ELMO1: variants seen among roughly 807,000 people sequenced by gnomAD.
The protein encoded by ELMO1 is engulfment and cell motility protein 1.
ELMO1 carries 26 observed loss-of-function variants against 98.9 expected under a neutral mutation model. The observed-to-expected ratio is 0.26, with a 90% CI of 0.19 to 0.36. The LOEUF (loss-of-function observed/expected upper bound fraction) is 0.36. ELMO1 is among the 10% of genes least tolerant of loss of function. ELMO1 has a pLI of 1.00. For missense variants in ELMO1, 627 were observed against 935.2 expected (o/e 0.67, Z 4.30); for synonymous variants, 346 against 346.0 (o/e 1.00, Z 0.00).
chr7:37,409,506 G>A (rs932068107), intron 1 of ELMO1, among the ~76,000 whole-genome samples: 16 of 152,190 alleles, frequency 1.1e-4, no homozygotes, highest in African/African-American at 3.6e-4. Context: ...CAGTCAGCCA[G>A]GGCAACTCAA....
At chr7:37,202,454 T>C (rs1344845787) in intron 13 of ELMO1, among the ~76,000 whole-genome samples, 1 of 152,226 alleles carries the variant, frequency 6.6e-6, no homozygotes, top group Non-Finnish European at 1.5e-5. Context: ...AAGCCTATGA[T>C]AAAATCACAC....
In ELMO1 at chr7:37,353,863, C is replaced by T. The variant is rs1801386164; in HGVS notation, c.-73-11100G>A. On this transcript the variant is annotated intron_variant, in intron 1 of 21. Transcript: ENST00000310758. ...AGCGAGACACAAAAGTTCTCCAAGTCCCCACCCAACCCAGAAGCCCAGTCG... is the reference window on the plus strand; with the variant it reads ...AGCGAGACACAAAAGTTCTCCAAGTTCCCACCCAACCCAGAAGCCCAGTCG... 2.0e-5 allele frequency among the ~76,000 whole-genome samples: 3 copies of T among 152,302 alleles called. 1 individual carries two copies. Among genetic ancestry groups the T allele is most frequent in the South Asian group, 4.1e-4 (2 of 4,824 alleles).
rs535315358 is a variant in ELMO1, at chr7:36,870,017, T to C, written c.1905+376A>G. 4.6e-5 allele frequency among the ~76,000 whole-genome samples: 7 copies of C among 152,140 alleles called. No homozygotes were observed. The highest frequency in any genetic ancestry group is 1.3e-4 in the Admixed American group (2 of 15,282). ...TTACAGCAGAAGACAATGAAAGATA[T>C]TGGGGTGGAAGTTGGAGAAGGGAGA... On this transcript the variant is annotated intron_variant, in intron 20 of 21. Transcript: ENST00000310758. The surrounding 1 kb of genome is among the most constrained non-coding windows in gnomAD (Gnocchi z 4.4).
rs553239503 is a variant in ELMO1, at chr7:36,892,026, A to G, written c.1601+2828T>C. The stretch of plus-strand genomic sequence containing the variant: ...TAACAAATACCTCCTCTTTGAAACA[A>G]TTAGTCAAGAGCTAAGAAATAAAAC... On this transcript the variant is annotated intron_variant, in intron 17 of 21. Coordinates refer to ENST00000310758, the MANE Select transcript of ELMO1 (RefSeq NM_014800.11). Among the ~76,000 whole-genome samples, 5 of 152,352 alleles carry G rather than the reference A, an allele frequency of 3.3e-5. No homozygotes were observed. The South Asian group carries it at 8.3e-4, about 25-fold the overall frequency.
chr7:37,189,811 A>G (rs1326859588), intron 13 of ELMO1, among the ~76,000 whole-genome samples: 1 of 152,246 alleles, frequency 6.6e-6, no homozygotes, highest in Admixed American at 6.5e-5. Flanking sequence ...ATCATACGAT[A>G]ATTTATAAAG....
chr7:37,121,321 T>C (rs1279682316), intron 14 of ELMO1, among the ~76,000 whole-genome samples: 2 of 152,142 alleles, frequency 1.3e-5, no homozygotes, highest in Non-Finnish European at 2.9e-5. Flanking sequence ...ACGATCAAAC[T>C]TCTCTGAGCT....
chr7:37,037,950 A>G (rs577193807), intron 15 of ELMO1, among the ~76,000 whole-genome samples: 52 of 152,340 alleles, frequency 3.4e-4, no homozygotes, highest in African/African-American at 1.2e-3. Flanking sequence ...ACTGCAATCA[A>G]GAGTGAAACA....
At position 37,092,366 on chromosome 7, in the gene ELMO1, C is replaced by CTTTT. The variant is rs537388417; in HGVS notation, c.1300+4249_1300+4252dup. Among the ~76,000 whole-genome samples, 99 of 68,914 alleles carry CTTTT rather than the reference C, an allele frequency of 1.4e-3. 6 individuals carry two copies. Among genetic ancestry groups the CTTTT allele is most frequent in the Non-Finnish European group, 2.3e-3 (74 of 32,036 alleles). 45.2% of individuals were successfully genotyped at this position (68,914 alleles called of 152,430 possible). On this transcript the variant is annotated intron_variant, in intron 15 of 21. Coordinates refer to ENST00000310758, the MANE Select transcript of ELMO1 (RefSeq NM_014800.11). ...ACTTGCAAAAAAAATTACCCATATT[C>CTTTT]TTTTTTTTTTTTTTTTTTTTTTTTT... is the stretch of plus-strand genomic sequence containing the variant.
chr7:37,213,783 A>G (rs114779290), intron 11 of ELMO1, among the ~76,000 whole-genome samples: 181 of 152,284 alleles, frequency 1.2e-3, no homozygotes, highest in Middle Eastern at 3.4e-3. Flanking sequence ...ACAACTGTGG[A>G]TTTCTACAAT....
At chr7:37,171,479 T>A (rs1292128094) in intron 13 of ELMO1, among the ~76,000 whole-genome samples, 2 of 120,226 alleles carry the variant, frequency 1.7e-5, no homozygotes, top group African/African-American at 3.1e-5. Flanking sequence ...AACCAGGCCT[T>A]TCTATTTTTT....
At chr7:36,920,650 A>C (rs1453239196) in intron 16 of ELMO1, among the ~76,000 whole-genome samples, 2 of 152,226 alleles carry the variant, frequency 1.3e-5, no homozygotes, top group African/African-American at 4.8e-5. Context: ...TCTGGCATAA[A>C]ACATAGCCAT....
chr7:37,188,635 A>G (rs1440517730), intron 13 of ELMO1, among the ~76,000 whole-genome samples: 1 of 151,976 alleles, frequency 6.6e-6, no homozygotes, highest in Non-Finnish European at 1.5e-5. Flanking sequence ...TAGTAAAGAT[A>G]AAAGAAAATC....
chr7:36,973,084 G>T (rs1224532628), intron 16 of ELMO1, among the ~76,000 whole-genome samples: 1 of 152,182 alleles, frequency 6.6e-6, no homozygotes, highest in Non-Finnish European at 1.5e-5. Context: ...GCCAGGCCAG[G>T]ACTCTGGTAT....
At chr7:36,936,373 T>C (rs1185358766) in intron 16 of ELMO1, among the ~76,000 whole-genome samples, 3 of 152,224 alleles carry the variant, frequency 2.0e-5, no homozygotes, top group African/African-American at 7.2e-5. Context: ...GGAAATGGGC[T>C]ACCACCCCTG....
intron 16 of ELMO1, among the ~76,000 whole-genome samples, chr7:36,905,793 T>A (rs1456236911): frequency 6.6e-6 from 1 of 152,212 alleles, no homozygotes; most frequent in Non-Finnish European, 1.5e-5. Context: ...AATGAATGAA[T>A]GAGCTAAACA....
At chr7:36,858,536 G>A (rs1052130012) in intron 21 of ELMO1, among the ~76,000 whole-genome samples, 2 of 152,184 alleles carry the variant, frequency 1.3e-5, no homozygotes, top group African/African-American at 4.8e-5. Flanking sequence ...CTGTGAATAT[G>A]TCAGGTTCCA....
chr7:37,412,173 GAAATCC>G (rs1804018340), intron 1 of ELMO1, among the ~76,000 whole-genome samples: 1 of 152,144 alleles, frequency 6.6e-6, no homozygotes, highest in Non-Finnish European at 1.5e-5. Flanking sequence ...AAAACAACAT[GAAATCC>G]TTTTGTTCTT....
At chr7:37,196,076 G>T (rs1182708224) in intron 13 of ELMO1, among the ~76,000 whole-genome samples, 1 of 152,156 alleles carries the variant, frequency 6.6e-6, no homozygotes, top group African/African-American at 2.4e-5. Flanking sequence ...TCACTGCTTT[G>T]CCCTGGTTAT....
intron 1 of ELMO1, among the ~76,000 whole-genome samples, chr7:37,363,481 G>C (rs181008288): frequency 6.6e-6 from 1 of 151,878 alleles, no homozygotes; most frequent in Admixed American, 6.6e-5. Context: ...ACCTCATCCC[G>C]CGCATCCATC....
Sources: gnomAD v4.1 joint callset for allele counts (sites outside exome capture counted in the v4.1 genomes callset) on GRCh38, gnomAD v4.1.1 for gene constraint, Gnocchi (gnomAD v3.1) non-coding constraint, MANE v1.5 for transcripts, NCBI Gene and HGNC (gene_info 2026-07-23, HGNC 2026-07-21) for gene names.